The following RAPGEF2 variants were observed in gnomAD, a reference collection of about 807,000 sequenced individuals.
RAPGEF2 encodes PDZ domain containing guanine nucleotide exchange factor (GEF) 1.
In RAPGEF2, 54 loss-of-function variants were observed where a neutral mutation model predicts 186.7. The ratio of observed to expected loss-of-function variants is 0.29; its 90% confidence interval spans 0.23 to 0.36. The LOEUF (loss-of-function observed/expected upper bound fraction) is 0.36. Ranked by LOEUF, RAPGEF2 falls within the 10% of genes least tolerant of loss-of-function variation. The pLI is 1.00. For missense variants in RAPGEF2, 1,532 were observed against 2,045.0 expected (o/e 0.75, Z 4.84); for synonymous variants, 712 against 705.9 (o/e 1.01, Z -0.14).
intron 4 of RAPGEF2, among the ~76,000 whole-genome samples, chr4:159,221,801 A>G (rs1014294361): frequency 3.9e-5 from 6 of 152,354 alleles, no homozygotes; most frequent in African/African-American, 1.2e-4. Flanking sequence ...ATATAAGGCA[A>G]AGGCTTAAAG....
rs1468300587 is a variant in RAPGEF2, at chr4:159,346,780, A to C, written c.3503-9A>C. The C allele has an allele frequency of 2.5e-6, 4 of 1,611,924 alleles. No homozygotes were observed. The South Asian group carries it at 4.4e-5, about 18-fold the overall frequency. ...CTTTGTTCTATTTTCAAACCCAAAC[A>C]ATTATCAGTGCCTAAGAATCCTGGT... On this transcript the variant is annotated splice_polypyrimidine_tract_variant and intron_variant, in intron 24 of 29. Coordinates refer to ENST00000691494, the MANE Select transcript of RAPGEF2 (RefSeq NM_001394067.2).
chr4:159,185,756 A>G (rs914615133), intron 1 of RAPGEF2, among the ~76,000 whole-genome samples: 1 of 152,190 alleles, frequency 6.6e-6, no homozygotes, highest in Non-Finnish European at 1.5e-5. Flanking sequence ...TAGATTGTAC[A>G]ACAAAACCAC....
chr4:159,297,279 G>T (rs575737846), intron 7 of RAPGEF2, among the ~76,000 whole-genome samples: 1 of 152,250 alleles, frequency 6.6e-6, no homozygotes, highest in South Asian at 2.1e-4. Flanking sequence ...TGGTGTTTCT[G>T]TTCAGACTGT....
rs11362763 is a variant in RAPGEF2, at chr4:159,177,214, CTTT to C, written c.70-9414_70-9412del. Among the ~76,000 whole-genome samples, 335 of 138,848 alleles carry C rather than the reference CTTT, an allele frequency of 2.4e-3. 2 individuals are homozygous for C. The highest frequency in any genetic ancestry group is 8.0e-3 in the African/African-American group (296 of 37,018). 91.1% of individuals were successfully genotyped at this position (138,848 alleles called of 152,430 possible). A position where few individuals can be genotyped will look rare whatever the true frequency, so the allele number is the denominator to read the frequency against. The stretch of plus-strand genomic sequence containing the variant: ...ATAAGTATTATAAGAATTCATTCAA[CTTT>C]TTTTTTTTTTTTTGGCATACAGACA... On this transcript the variant is annotated intron_variant, in intron 1 of 29. Transcript: ENST00000691494.
chr4:159,354,087 T>C (rs746080772), intron 28 of RAPGEF2, 41 bp downstream of exon 28: 7 of 1,483,354 alleles, frequency 4.7e-6, no homozygotes, highest in African/African-American at 2.8e-5. Context: ...GTCTGGATCA[T>C]GTCTTTAATG....
At chr4:159,197,183 C>T (rs1405994697) in intron 3 of RAPGEF2, among the ~76,000 whole-genome samples, 2 of 152,062 alleles carry the variant, frequency 1.3e-5, no homozygotes, top group East Asian at 1.9e-4. Context: ...CTGGATAAAT[C>T]GTAGTAAAAG....
At chr4:159,133,324 G>A (rs1046706543) in intron 1 of RAPGEF2, among the ~76,000 whole-genome samples, 1 of 152,016 alleles carries the variant, frequency 6.6e-6, no homozygotes, top group African/African-American at 2.4e-5. Flanking sequence ...AGGACTACTA[G>A]CATTGTATTA....
intron 1 of RAPGEF2, among the ~76,000 whole-genome samples, chr4:159,176,864 T>C (rs1746497969): frequency 6.6e-6 from 1 of 152,200 alleles, no homozygotes; most frequent in South Asian, 2.1e-4. Context: ...TTTAACGACT[T>C]CATTTTAAGT....
chr4:159,130,946 G>A (rs1740984942), intron 1 of RAPGEF2, among the ~76,000 whole-genome samples: 1 of 152,168 alleles, frequency 6.6e-6, no homozygotes, highest in African/African-American at 2.4e-5. Context: ...TCGGGCTCAA[G>A]CAATCTGCCC....
chr4:159,290,885 TC>T (rs1348183359), intron 7 of RAPGEF2, among the ~76,000 whole-genome samples: 1 of 152,190 alleles, frequency 6.6e-6, no homozygotes, highest in Non-Finnish European at 1.5e-5. Context: ...TATAGTGCCC[TC>T]CCGACAGCCA....
chr4:159,252,295 C>T lies in RAPGEF2; in HGVS notation c.543+8504C>T, dbSNP rs533472425. 6.2e-4 allele frequency among the ~76,000 whole-genome samples: 95 copies of T among 152,330 alleles called. 1 individual carries two copies. Among genetic ancestry groups the T allele is most frequent in the Non-Finnish European group, 2.9e-4 (20 of 68,028 alleles). On this transcript the variant is annotated intron_variant, in intron 7 of 29. Coordinates refer to ENST00000691494, the MANE Select transcript of RAPGEF2 (RefSeq NM_001394067.2). The stretch of plus-strand genomic sequence containing the variant: ...GAACTCCTGAGCTCAAGCGATTTGC[C>T]TGCCTTGGCCTCCCAAAGTACTGGG...
At chr4:159,338,085 A>G (rs114978244) in intron 17 of RAPGEF2, among the ~76,000 whole-genome samples, 26 of 152,052 alleles carry the variant, frequency 1.7e-4, no homozygotes, top group African/African-American at 5.1e-4. Flanking sequence ...GCAAGATGCT[A>G]TATCTAAAAA....
chr4:159,276,780 G>C (rs891653818), intron 7 of RAPGEF2, among the ~76,000 whole-genome samples: 1 of 151,540 alleles, frequency 6.6e-6, no homozygotes, highest in Non-Finnish European at 1.5e-5. Flanking sequence ...ATGTAAATGA[G>C]AATTAAAGCA....
chr4:159,347,657 G>A (rs11100218), intron 25 of RAPGEF2, among the ~76,000 whole-genome samples: 24,920 of 152,114 alleles, frequency 0.16, 2,404 homozygotes, highest in African/African-American at 0.26. Context: ...GGTGGCGGGC[G>A]CCTGTAGTCC....
At chr4:159,214,614 T>C (rs1750833164) in intron 4 of RAPGEF2, among the ~76,000 whole-genome samples, 1 of 152,202 alleles carries the variant, frequency 6.6e-6, no homozygotes, top group African/African-American at 2.4e-5. Context: ...TATTTCCTAA[T>C]AAAGTCACAA....
At chr4:159,135,625 G>A (rs761852062) in intron 1 of RAPGEF2, among the ~76,000 whole-genome samples, 3 of 151,996 alleles carry the variant, frequency 2.0e-5, no homozygotes, top group Non-Finnish European at 4.4e-5. Context: ...TTGAGACGGA[G>A]TTTTGCTCTT....
In RAPGEF2 at chr4:159,122,038, C is replaced by CAAA. The variant is rs70962654; in HGVS notation, c.69+17829_69+17831dup. On this transcript the variant is annotated intron_variant, in intron 1 of 29. Coordinates refer to ENST00000691494, the MANE Select transcript of RAPGEF2 (RefSeq NM_001394067.2). The stretch of plus-strand genomic sequence containing the variant: ...TGGGAGACAGAGCAAGACTCCATCT[C>CAAA]AAAAAAAAAAAAAAAAAAAAAAAAT... Among the ~76,000 whole-genome samples, 61 of 51,420 alleles carry CAAA rather than the reference C, an allele frequency of 1.2e-3. 1 individual carries two copies. Among genetic ancestry groups the CAAA allele is most frequent in the African/African-American group, 2.0e-3 (26 of 13,122 alleles). 33.7% of individuals were successfully genotyped at this position (51,420 alleles called of 152,430 possible). A position where few individuals can be genotyped will look rare whatever the true frequency, so the allele number is the denominator to read the frequency against.
chr4:159,256,248 T>C (rs1036960055), intron 7 of RAPGEF2, among the ~76,000 whole-genome samples: 1 of 152,100 alleles, frequency 6.6e-6, no homozygotes, highest in African/African-American at 2.4e-5. Flanking sequence ...CAGGCCACAG[T>C]GTCTGTTGTT....
chr4:159,313,601 C>T (rs1311362544), intron 8 of RAPGEF2, among the ~76,000 whole-genome samples: 4 of 151,956 alleles, frequency 2.6e-5, no homozygotes, highest in African/African-American at 7.2e-5. Flanking sequence ...CTTTGAGAAT[C>T]GTATGGGCTA....
Sources: gnomAD v4.1 joint callset for allele counts (sites outside exome capture counted in the v4.1 genomes callset) on GRCh38, gnomAD v4.1.1 for gene constraint, MANE v1.5 for transcripts, NCBI Gene and HGNC (gene_info 2026-07-23, HGNC 2026-07-21) for gene names.